TRIP12: variants seen among roughly 807,000 people sequenced by gnomAD.
The protein encoded by TRIP12 is thyroid hormone receptor interactor 12.
Under a neutral mutation model 244.2 loss-of-function variants are expected in TRIP12, and 25 were observed. The ratio of observed to expected loss-of-function variants is 0.10; its 90% CI spans 0.07 to 0.14. TRIP12 has a LOEUF of 0.14. Ranked by LOEUF, TRIP12 falls within the 10% of genes least tolerant of loss-of-function variation. The probability of loss-of-function intolerance (pLI) is 1.00; values close to 1 mark genes in which losing one functional copy is unlikely to be tolerated. For synonymous variants in TRIP12, 905 were observed against 873.1 expected, an observed-to-expected ratio of 1.04 and a Z score of -0.64; for missense variants, 1,677 against 2,486.4, an observed-to-expected ratio of 0.67 and a Z score of 6.92.
chr2:229,900,503 G>A (rs937343009), intron 1 of TRIP12, among the ~76,000 whole-genome samples: 14 of 152,146 alleles, frequency 9.2e-5, no homozygotes, highest in African/African-American at 3.4e-4. Context: ...ATATTTTTCA[G>A]TTGATAAGAT....
intron 38 of TRIP12, among the ~76,000 whole-genome samples, chr2:229,773,283 C>T (rs1185959823): frequency 6.6e-6 from 1 of 151,932 alleles, no homozygotes; most frequent in East Asian, 1.9e-4. Flanking sequence ...ACTATGTTGG[C>T]CAGGCTGGTC....
intron 33 of TRIP12, among the ~76,000 whole-genome samples, 181 bp from the exon 34 acceptor site, chr2:229,786,036 C>T (rs976070165): frequency 1.3e-5 from 2 of 152,188 alleles, no homozygotes; most frequent in African/African-American, 4.8e-5. Flanking sequence ...ATCAACAGCA[C>T]CCTGGCATAC....
At chr2:229,773,992 G>A in intron 38 of TRIP12, 105 bp downstream of exon 38, 2 of 1,206,532 alleles carry the variant, frequency 1.7e-6, no homozygotes, top group Admixed American at 2.2e-5. Context: ...TCCTGGGGAT[G>A]TGGAAGGTCT....
intron 4 of TRIP12, among the ~76,000 whole-genome samples, chr2:229,853,865 A>C (rs573362549): frequency 6.7e-4 from 102 of 152,326 alleles, no homozygotes; most frequent in Admixed American, 1.0e-3. Flanking sequence ...GGTTGGTATC[A>C]TAACTACAGC....
intron 8 of TRIP12, among the ~76,000 whole-genome samples, chr2:229,820,353 C>T (rs1222845300): frequency 6.6e-6 from 1 of 152,020 alleles, no homozygotes; most frequent in African/African-American, 2.4e-5. Flanking sequence ...AAATAACTTA[C>T]ACTAAACTGA....
chr2:229,877,364 T>C (rs972854904), intron 2 of TRIP12, among the ~76,000 whole-genome samples: 1 of 152,026 alleles, frequency 6.6e-6, no homozygotes, highest in African/African-American at 2.4e-5. Context: ...ACCTCGTCTC[T>C]ACTAAAAACA....
chr2:229,897,629 AGAGT>A (rs112130723), intron 1 of TRIP12, among the ~76,000 whole-genome samples: 48 of 152,404 alleles, frequency 3.1e-4, no homozygotes, highest in African/African-American at 9.9e-4. Context: ...CCTGGGCGAC[AGAGT>A]GAGACTCCGT....
intron 4 of TRIP12, among the ~76,000 whole-genome samples, chr2:229,848,717 G>A (rs183234559): frequency 2.0e-4 from 31 of 152,254 alleles, no homozygotes; most frequent in Admixed American, 1.8e-3. Context: ...GAATGCCCCA[G>A]ATCCAGAGAA....
chr2:229,913,189 T>C (rs899245620), intron 1 of TRIP12, among the ~76,000 whole-genome samples: 3 of 152,190 alleles, frequency 2.0e-5, no homozygotes, highest in African/African-American at 7.2e-5. Context: ...ATTTATTTAG[T>C]ATAGCCACAA....
intron 26 of TRIP12, among the ~76,000 whole-genome samples, chr2:229,794,233 A>G (rs570306867): frequency 2.0e-5 from 3 of 152,296 alleles, no homozygotes; most frequent in East Asian, 1.9e-4. Flanking sequence ...TTTTAATTCA[A>G]ACAAAGTTTT....
chr2:229,796,786 A>T lies in TRIP12; in HGVS notation c.3625-4T>A. ...GGCACTCAGCTCCACCATCCACCTG[A>T]AAGAGTTAGGAAAAGTATTTCTATA... On this transcript the variant is annotated splice_polypyrimidine_tract_variant and splice_region_variant and intron_variant, in intron 24 of 41. Transcript: ENST00000675903. The T allele has an allele frequency of 3.2e-6, 5 of 1,557,286 alleles. No homozygotes were observed. The highest frequency in any genetic ancestry group is 4.3e-6 in the Non-Finnish European group (5 of 1,158,080).
rs934280751 is a variant in TRIP12, at chr2:229,859,199, C to A, written c.600G>T (p.Lys200Asn). 5.6e-6 allele frequency: 9 copies of A among 1,614,166 alleles called. No homozygotes were observed. Among genetic ancestry groups the A allele is most frequent in the Non-Finnish European group, 7.6e-6 (9 of 1,180,038 alleles). The stretch of plus-strand genomic sequence containing the variant: ...CAGTTGATTCAGACCCGGAGCCACT[C>A]TTTACACAAGAACTCTCTGTCCTTT... ...KRKRTESSCV[K>N]SGSGSESTGA... Residue 200 changes from lysine (K) to asparagine (N), a missense_variant, in exon 4 of 42, where the codon AAG (lysine) becomes AAT (asparagine). Around this residue, in one of 11 missense-constraint regions of TRIP12, gnomAD observed 387 missense variants for 392.6 expected, o/e 0.99. Transcript: ENST00000675903.
intron 2 of TRIP12, among the ~76,000 whole-genome samples, chr2:229,870,190 G>A (rs1483675324): frequency 2.6e-5 from 4 of 152,146 alleles, no homozygotes; most frequent in Admixed American, 6.5e-5. Context: ...GAGAGGTGCC[G>A]TGCACAACAA....
chr2:229,814,119 T>A (rs2047922902), intron 12 of TRIP12, 88 bp from the exon 13 acceptor site: 1 of 1,525,206 alleles, frequency 6.6e-7, no homozygotes. Context: ...AGCACATTAC[T>A]CTGGAAACAA....
chr2:229,916,411 C>A (rs1460841819), intron 1 of TRIP12, among the ~76,000 whole-genome samples: 1 of 152,142 alleles, frequency 6.6e-6, no homozygotes, highest in African/African-American at 2.4e-5. Context: ...ACCATGATAG[C>A]CAAGTGTGGA....
intron 2 of TRIP12, among the ~76,000 whole-genome samples, chr2:229,865,398 T>G (rs2061365710): frequency 6.7e-6 from 1 of 149,864 alleles, no homozygotes; most frequent in African/African-American, 2.5e-5. Flanking sequence ...GGAAAGTGGC[T>G]AGTTACAAGT....
At chr2:229,781,936 T>C (rs1316052064) in intron 34 of TRIP12, among the ~76,000 whole-genome samples, 1 of 152,146 alleles carries the variant, frequency 6.6e-6, no homozygotes, top group Admixed American at 6.5e-5. Flanking sequence ...AATCTTGACC[T>C]TACATTAGCA....
chr2:229,903,660 C>T (rs551240802), intron 1 of TRIP12, among the ~76,000 whole-genome samples: 6 of 151,836 alleles, frequency 4.0e-5, no homozygotes, highest in Non-Finnish European at 8.8e-5. Flanking sequence ...TACAAGTATC[C>T]CAAGTTAATG....
At position 229,890,337 on chromosome 2, in the gene TRIP12, C is replaced by T. The variant is rs558557465; in HGVS notation, c.-49-10209G>A. ...TCAGGTGATCCGCCTGCCTCGGCCTCCATCCACCTGCCTCGGCCTCCCAAG... is the reference window on the plus strand; with the variant it reads ...TCAGGTGATCCGCCTGCCTCGGCCTTCATCCACCTGCCTCGGCCTCCCAAG... On this transcript the variant is annotated intron_variant, in intron 1 of 41. Coordinates refer to ENST00000675903, the MANE Select transcript of TRIP12 (RefSeq NM_001348323.3). Among the ~76,000 whole-genome samples the T allele has an allele frequency of 5.3e-5, 8 of 152,224 alleles. No individual in the cohort carries two copies. The East Asian group carries it at 1.5e-3, about 29-fold the overall frequency.
Sources: allele counts gnomAD v4.1 joint callset (sites outside exome capture counted in the v4.1 genomes callset), GRCh38; gene constraint gnomAD v4.1.1; regional missense constraint gnomAD v4.1.1; transcripts MANE v1.5; gene names NCBI Gene and HGNC (gene_info 2026-07-23, HGNC 2026-07-21).